The following CFAP299 variants were observed in gnomAD, a reference collection of about 807,000 sequenced individuals.
The protein encoded by CFAP299 is cilia and flagella associated protein 299.
Under a neutral mutation model 27.0 loss-of-function variants are expected in CFAP299, and 21 were observed. That is an observed-to-expected ratio of 0.78 (90% CI 0.55 to 1.12). The LOEUF (loss-of-function observed/expected upper bound fraction) is 1.12, where lower values mean the gene tolerates loss of function less well. CFAP299 is among the 50% of genes most tolerant of loss of function. CFAP299 has a pLI of 0.00. For missense variants in CFAP299, 310 were observed against 276.6 expected (o/e 1.12, Z -0.86); for synonymous variants, 104 against 98.1 (o/e 1.06, Z -0.36).
chr4:80,384,745 T>A (rs1470129450), intron 2 of CFAP299, among the ~76,000 whole-genome samples: 2 of 152,278 alleles, frequency 1.3e-5, no homozygotes, highest in East Asian at 3.9e-4. Context: ...GGAAACAAAG[T>A]TGATATCAGC....
At chr4:80,353,646 C>T (rs1447811661) in intron 1 of CFAP299, among the ~76,000 whole-genome samples, 2 of 152,134 alleles carry the variant, frequency 1.3e-5, no homozygotes, top group Non-Finnish European at 2.9e-5. Context: ...ACAAGTGAAG[C>T]TTGAAATCTG....
intron 3 of CFAP299, among the ~76,000 whole-genome samples, chr4:80,803,475 C>A (rs1301294248): frequency 6.6e-6 from 1 of 151,772 alleles, no homozygotes; most frequent in Non-Finnish European, 1.5e-5. Flanking sequence ...GGGTGTATAC[C>A]AAACTGGATC....
chr4:80,943,926 C>A (rs193132085), intron 4 of CFAP299, among the ~76,000 whole-genome samples: 1 of 151,900 alleles, frequency 6.6e-6, no homozygotes, highest in Admixed American at 6.6e-5. Context: ...ATTAGCTGAG[C>A]GTGGTGGCGC....
At chr4:80,464,014 C>T (rs1452204636) in intron 2 of CFAP299, among the ~76,000 whole-genome samples, 1 of 152,144 alleles carries the variant, frequency 6.6e-6, no homozygotes, top group Non-Finnish European at 1.5e-5. Flanking sequence ...TATCCATATT[C>T]AGCCAAAATC....
chr4:80,733,599 C>T (rs1723669814), intron 3 of CFAP299, among the ~76,000 whole-genome samples: 2 of 152,030 alleles, frequency 1.3e-5, no homozygotes, highest in Non-Finnish European at 2.9e-5. Context: ...CCCTAATTTA[C>T]CCCATTCCCT....
intron 3 of CFAP299, among the ~76,000 whole-genome samples, chr4:80,716,564 C>G (rs1158812039): frequency 3.3e-5 from 5 of 152,006 alleles, no homozygotes; most frequent in African/African-American, 1.2e-4. Flanking sequence ...CATTTGTATG[C>G]ATCGTTGTTC....
At chr4:80,590,523 G>C (rs934917239) in intron 3 of CFAP299, among the ~76,000 whole-genome samples, 1 of 152,042 alleles carries the variant, frequency 6.6e-6, no homozygotes, top group African/African-American at 2.4e-5. Flanking sequence ...CTGTAACTCA[G>C]CTACTTGGGA....
At chr4:80,794,168 T>G (rs931174925) in intron 3 of CFAP299, among the ~76,000 whole-genome samples, 3 of 152,206 alleles carry the variant, frequency 2.0e-5, no homozygotes, top group Admixed American at 6.5e-5. Context: ...TGTAACTTGC[T>G]TCTTACCCTG....
At chr4:80,554,554 G>A (rs937047717) in intron 2 of CFAP299, among the ~76,000 whole-genome samples, 1 of 146,542 alleles carries the variant, frequency 6.8e-6, no homozygotes, top group African/African-American at 2.6e-5. Flanking sequence ...TGGTAGTTTG[G>A]TAGAAATAGC....
chr4:80,834,206 G>A (rs181606950), intron 3 of CFAP299, among the ~76,000 whole-genome samples: 5 of 152,150 alleles, frequency 3.3e-5, no homozygotes, highest in South Asian at 2.1e-4. Context: ...TAGATGAACC[G>A]GTAAGTATTT....
Position 80,944,915 on chromosome 4 carries a change from A to T in CFAP299, c.582A>T (p.Arg194Ser), listed in dbSNP as rs1466877993. Residue 194 changes from arginine to serine, a missense_variant, in exon 5 of 6, where the codon AGA (arginine) becomes AGT (serine). Arg to Ser is a moderately radical substitution (Grantham distance 110, BLOSUM62 -1). Transcript: ENST00000358105. ...TACTTTTCAGATACAAAAGAGACAG[A>T]AAAATTCTTAATGTGGACCCAAAGG... ...EGLLFRYKRD[R>S]KILNVDPKAQ... The T allele has an allele frequency of 1.2e-6, 2 of 1,612,748 alleles. No individual in the cohort carries two copies. The highest frequency in any genetic ancestry group is 1.7e-5 in the Admixed American group (1 of 59,870).
At chr4:80,322,082 G>C in the CFAP299 span, among the ~76,000 whole-genome samples, 2 of 152,166 alleles carry the variant, frequency 1.3e-5, no homozygotes, top group Admixed American at 1.3e-4. Context: ...TTGTGGGCTG[G>C]GGCAATTGTG....
rs552904584 is a variant in CFAP299, at chr4:80,489,906, C to A, written c.243-93187C>A. Among the ~76,000 whole-genome samples the A allele has an allele frequency of 7.9e-4, 110 of 139,538 alleles. 1 individual carries two copies. The highest frequency in any genetic ancestry group is 1.3e-3 in the Non-Finnish European group (89 of 66,844). The allele number at this position is 139,538 out of a possible 152,430, so 91.5% of individuals were successfully genotyped here. On this transcript the variant is annotated intron_variant, in intron 2 of 5. Transcript: ENST00000358105. ...AAATTTGCTTCCTTCATAGAATTTC[C>A]TGTTTTGAAGAAACAAGGTGATTTA...
At chr4:80,782,666 T>C (rs570249570) in intron 3 of CFAP299, among the ~76,000 whole-genome samples, 48 of 123,322 alleles carry the variant, frequency 3.9e-4, no homozygotes, top group South Asian at 1.2e-3. Context: ...AATATATTCA[T>C]ATATAATATA....
intron 2 of CFAP299, among the ~76,000 whole-genome samples, chr4:80,478,848 C>A (rs375025325): frequency 6.7e-6 from 1 of 149,432 alleles, no homozygotes; most frequent in East Asian, 2.0e-4. Context: ...ATGATGGGTT[C>A]GCATACATTT....
intron 4 of CFAP299, among the ~76,000 whole-genome samples, chr4:80,937,722 T>C (rs1481767118): frequency 6.6e-6 from 1 of 152,220 alleles, no homozygotes; most frequent in Non-Finnish European, 1.5e-5. Context: ...TTAATTCATT[T>C]AAATTTGCAG....
chr4:80,950,256 C>A (rs538509600), intron 5 of CFAP299, among the ~76,000 whole-genome samples: 34 of 151,572 alleles, frequency 2.2e-4, no homozygotes, highest in Non-Finnish European at 2.8e-4. Flanking sequence ...TCCCTCCACC[C>A]CCCCCCTTTC....
intron 2 of CFAP299, among the ~76,000 whole-genome samples, chr4:80,407,309 A>G (rs983263293): frequency 6.6e-6 from 1 of 152,116 alleles, no homozygotes; most frequent in African/African-American, 2.4e-5. Flanking sequence ...AACAACCACC[A>G]TTTATTCAGC....
Position 80,534,482 on chromosome 4 carries a change from G to C in CFAP299, c.243-48611G>C, listed in dbSNP as rs183635392. ...TTAGATACAATGCACAATTAATCTTGATAATTGGAAACAAAATTCCCTCTT... is the reference window on the plus strand; with the variant it reads ...TTAGATACAATGCACAATTAATCTTCATAATTGGAAACAAAATTCCCTCTT... On this transcript the variant is annotated intron_variant, in intron 2 of 5. Coordinates refer to ENST00000358105, the MANE Select transcript of CFAP299 (RefSeq NM_152770.3). 3.9e-5 allele frequency among the ~76,000 whole-genome samples: 6 copies of C among 151,954 alleles called. 1 individual carries two copies. Among genetic ancestry groups the C allele is most frequent in the Admixed American group, 3.9e-4 (6 of 15,272 alleles).
Sources: gnomAD v4.1 joint callset for allele counts (sites outside exome capture counted in the v4.1 genomes callset) on GRCh38, gnomAD v4.1.1 for gene constraint, MANE v1.5 for transcripts, NCBI Gene and HGNC (gene_info 2026-07-23, HGNC 2026-07-21) for gene names.